The following GMPR variants were observed in gnomAD, a reference collection of about 807,000 sequenced individuals.
The protein encoded by GMPR is GMP reductase 1.
Under a neutral mutation model 38.4 loss-of-function variants are expected in GMPR, and 31 were observed. The ratio of observed to expected loss-of-function variants is 0.81; its 90% CI spans 0.61 to 1.09. The LOEUF is 1.09. Among genes scored for constraint, GMPR ranks in the 50% least tolerant of loss-of-function variants. The pLI, the probability that GMPR is intolerant of heterozygous loss-of-function variation, is 0.00. For synonymous variants in GMPR, 162 were observed against 173.3 expected, an observed-to-expected ratio of 0.93 and a Z score of 0.51; for missense variants, 468 against 453.7, an observed-to-expected ratio of 1.03 and a Z score of -0.29.
In GMPR at chr6:16,295,135, G is replaced by T. The variant is rs201059150; in HGVS notation, c.987G>T (p.Arg329Ser). ...VGAAKLKELS[R>S]RATFIRVTQQ... ...CCGCCAAACTCAAGGAGCTCAGCAG[G>T]AGGGCAACATTCATCCGGGTGACCC... The change falls in exon 9 of 9, where the codon AGG becomes AGT. Residue 329 changes from arginine (R) to serine (S), a missense_variant. Coordinates refer to ENST00000259727, the MANE Select transcript of GMPR (RefSeq NM_006877.4). 6.2e-5 allele frequency: 97 copies of T among 1,569,710 alleles called. No homozygotes were observed. The Middle Eastern group carries it at 3.1e-3, about 50-fold the overall frequency.
chr6:16,272,834 C>A (rs202011280), intron 4 of GMPR, among the ~76,000 whole-genome samples: 1 of 150,780 alleles, frequency 6.6e-6, no homozygotes, highest in Non-Finnish European at 1.5e-5. Context: ...TTTCTTTTTT[C>A]TTTTTTTTAC....
At chr6:16,274,867 C>CA (rs1426181672) in intron 5 of GMPR, among the ~76,000 whole-genome samples, 1 of 152,072 alleles carries the variant, frequency 6.6e-6, no homozygotes, top group African/African-American at 2.4e-5. Context: ...TGAATGACTC[C>CA]AGTTTATGTG....
At chr6:16,273,821 T>TC (rs1375899321) in intron 4 of GMPR, among the ~76,000 whole-genome samples, 1 of 148,606 alleles carries the variant, frequency 6.7e-6, no homozygotes, top group Non-Finnish European at 1.5e-5. Flanking sequence ...ATTTTTTTTT[T>TC]TTTTTTTTTT....
intron 3 of GMPR, among the ~76,000 whole-genome samples, chr6:16,252,475 T>C (rs897462988): frequency 3.3e-5 from 5 of 152,086 alleles, no homozygotes; most frequent in African/African-American, 1.2e-4. Context: ...TGACCTGAAA[T>C]GATCCACCCA....
intron 1 of GMPR, among the ~76,000 whole-genome samples, chr6:16,239,275 G>A (rs1453652918): frequency 6.6e-6 from 1 of 152,202 alleles, no homozygotes; most frequent in Non-Finnish European, 1.5e-5. Context: ...ACAAGTTCAG[G>A]GTTTCCTTTC....
At chr6:16,274,369 C>T (rs62387698) in intron 4 of GMPR, 46 bp from the exon 5 acceptor site, 12,775 of 1,199,596 alleles carry the variant, frequency 0.011, 113 homozygotes, top group Non-Finnish European at 0.012. Flanking sequence ...ACCTTTATAC[C>T]AGCAATAGTA....
At chr6:16,241,078 C>G (rs1758639657) in intron 1 of GMPR, among the ~76,000 whole-genome samples, 1 of 152,132 alleles carries the variant, frequency 6.6e-6, no homozygotes, top group Non-Finnish European at 1.5e-5. Flanking sequence ...CAGATAAAAA[C>G]TTTTCCTTGC....
chr6:16,291,205 T>C (rs559833858), intron 8 of GMPR, among the ~76,000 whole-genome samples: 4 of 152,272 alleles, frequency 2.6e-5, no homozygotes, highest in African/African-American at 9.6e-5. Context: ...CTTCTGCTGA[T>C]GTGTGTTTAT....
At chr6:16,256,343 G>A (rs989409034) in intron 4 of GMPR, among the ~76,000 whole-genome samples, 8 of 132,650 alleles carry the variant, frequency 6.0e-5, no homozygotes, top group African/African-American at 2.4e-4. Context: ...GTGAAACCCT[G>A]CATCTACTAA....
At chr6:16,293,004 AC>A (rs1325635396) in intron 8 of GMPR, among the ~76,000 whole-genome samples, 1 of 150,330 alleles carries the variant, frequency 6.7e-6, no homozygotes, top group African/African-American at 2.4e-5. Flanking sequence ...CACCTGTCTT[AC>A]CTCTGTCTGA....
chr6:16,255,308 C>T (rs1000662682), intron 4 of GMPR, among the ~76,000 whole-genome samples: 1 of 152,196 alleles, frequency 6.6e-6, no homozygotes, highest in African/African-American at 2.4e-5. Context: ...CCACCACACT[C>T]AGCCCCATAT....
chr6:16,265,738 G>T (rs1452441108), intron 4 of GMPR, among the ~76,000 whole-genome samples: 1 of 152,230 alleles, frequency 6.6e-6, no homozygotes, highest in Non-Finnish European at 1.5e-5. Flanking sequence ...GGACCAATCA[G>T]CAGGATGTGG....
At chr6:16,257,627 C>T (rs1229125112) in intron 4 of GMPR, among the ~76,000 whole-genome samples, 1 of 152,152 alleles carries the variant, frequency 6.6e-6, no homozygotes, top group Non-Finnish European at 1.5e-5. Flanking sequence ...ATACCATAAA[C>T]TGACTGGTGT....
chr6:16,269,276 C>G (rs1581658597), intron 4 of GMPR, among the ~76,000 whole-genome samples: 2 of 152,076 alleles, frequency 1.3e-5, no homozygotes, highest in East Asian at 1.9e-4. Flanking sequence ...AATGGAGACT[C>G]TGGTTGAAGT....
At chr6:16,264,179 T>G (rs937642156) in intron 4 of GMPR, among the ~76,000 whole-genome samples, 2 of 151,968 alleles carry the variant, frequency 1.3e-5, no homozygotes, top group African/African-American at 4.8e-5. Flanking sequence ...CGCCGGAGTT[T>G]TGAGTCCGTG....
At chr6:16,289,585 A>G (rs1245639781) in intron 7 of GMPR, 3 of 152,194 alleles carry the variant, frequency 2.0e-5, no homozygotes, top group Non-Finnish European at 4.4e-5. Context: ...AGTCTGGCAG[A>G]ATATGTACTC....
At chr6:16,258,415 A>C (rs1759018186) in intron 4 of GMPR, among the ~76,000 whole-genome samples, 1 of 152,206 alleles carries the variant, frequency 6.6e-6, no homozygotes. Context: ...AGGGAAGTGC[A>C]GGAAGGAGGG....
At chr6:16,294,765 G>A (rs572034885) in intron 8 of GMPR, among the ~76,000 whole-genome samples, 4 of 152,320 alleles carry the variant, frequency 2.6e-5, no homozygotes, top group Admixed American at 6.5e-5. Context: ...TTTCCTCTCC[G>A]CAACATGCAG....
intron 7 of GMPR, among the ~76,000 whole-genome samples, chr6:16,287,709 C>T (rs1272647228): frequency 6.6e-6 from 1 of 152,128 alleles, no homozygotes; most frequent in Non-Finnish European, 1.5e-5. Flanking sequence ...CCTCTGCCTC[C>T]TTAAAATCAT....
Sources: gnomAD v4.1 joint callset for allele counts (sites outside exome capture counted in the v4.1 genomes callset) on GRCh38, gnomAD v4.1.1 for gene constraint, MANE v1.5 for transcripts, NCBI Gene and HGNC (gene_info 2026-07-23, HGNC 2026-07-21) for gene names.